Variants in FUT8 observed in about 807,000 individuals in gnomAD.
FUT8 encodes fucosyltransferase 8, also known as alpha-(1,6)-fucosyltransferase.
A neutral mutation model predicts 71.3 loss-of-function variants in FUT8; 29 were observed. The ratio of observed to expected loss-of-function variants is 0.41; its 90% CI spans 0.30 to 0.55. The LOEUF is 0.55. FUT8 is among the 20% of genes least tolerant of loss of function. The pLI is 0.34. For synonymous variants in FUT8, 254 were observed against 239.3 expected (o/e 1.06, Z -0.57); for missense variants, 544 against 702.1 (o/e 0.77, Z 2.55).
chr14:65,575,809 G>A (rs1462030613), intron 3 of FUT8, among the ~76,000 whole-genome samples: 2 of 151,956 alleles, frequency 1.3e-5, no homozygotes, highest in African/African-American at 2.4e-5. Context: ...TAGTAAAGAC[G>A]GGTTTTTGCC....
At chr14:65,552,018 A>G (rs1885316175) in intron 2 of FUT8, among the ~76,000 whole-genome samples, 1 of 152,190 alleles carries the variant, frequency 6.6e-6, no homozygotes, top group South Asian at 2.1e-4. Context: ...GATTTTGAAG[A>G]TTGCAACAAT....
chr14:65,593,284 T>C (rs1887789025), intron 3 of FUT8, among the ~76,000 whole-genome samples: 1 of 152,238 alleles, frequency 6.6e-6, no homozygotes, highest in African/African-American at 2.4e-5. Flanking sequence ...AGTAGTTTAA[T>C]AGTTGTAATA....
intron 6 of FUT8, among the ~76,000 whole-genome samples, chr14:65,663,218 G>T (rs1172847235): frequency 6.6e-6 from 1 of 151,982 alleles, no homozygotes; most frequent in Non-Finnish European, 1.5e-5. Context: ...CAAAACTATG[G>T]CTCTGTATCC....
chr14:65,439,680 T>C (rs547126227), intron 1 of FUT8, among the ~76,000 whole-genome samples: 94 of 151,952 alleles, frequency 6.2e-4, no homozygotes, highest in African/African-American at 2.2e-3. Flanking sequence ...AAACTACAAG[T>C]TTTTTCTCTA....
intron 6 of FUT8, among the ~76,000 whole-genome samples, chr14:65,633,539 G>A (rs370522243): frequency 5.3e-5 from 8 of 149,628 alleles, no homozygotes; most frequent in Admixed American, 1.3e-4. Flanking sequence ...AGTGAGGAGC[G>A]CCTCTTCCCG....
At chr14:65,360,648 T>A in the FUT8 span, among the ~76,000 whole-genome samples, 1 of 152,244 alleles carries the variant, frequency 6.6e-6, no homozygotes, top group Non-Finnish European at 1.5e-5. Flanking sequence ...CGGACTCTGT[T>A]GATAACCATG....
At chr14:65,437,124 A>C (rs1339662403) in intron 1 of FUT8, among the ~76,000 whole-genome samples, 1 of 152,240 alleles carries the variant, frequency 6.6e-6, no homozygotes, top group Non-Finnish European at 1.5e-5. Context: ...AGATGTGACA[A>C]GAATTATAAA....
At chr14:65,726,792 C>A (rs1436069313) in intron 9 of FUT8, among the ~76,000 whole-genome samples, 2 of 152,176 alleles carry the variant, frequency 1.3e-5, no homozygotes, top group East Asian at 1.9e-4. Flanking sequence ...TCCAAAGTCT[C>A]ATCGAAGACA....
At chr14:65,386,289 T>C in the FUT8 span, among the ~76,000 whole-genome samples, 1 of 151,884 alleles carries the variant, frequency 6.6e-6, no homozygotes, top group South Asian at 2.1e-4. Flanking sequence ...CCCAGGTGGA[T>C]GGCTTGAGCA....
At chr14:65,598,641 G>A (rs1162225414) in intron 3 of FUT8, among the ~76,000 whole-genome samples, 1 of 152,046 alleles carries the variant, frequency 6.6e-6, no homozygotes, top group African/African-American at 2.4e-5. Context: ...CATTTCTCCA[G>A]TTCAACTTCA....
At chr14:65,722,662 G>T (rs2139355466) in intron 8 of FUT8, among the ~76,000 whole-genome samples, 2 of 152,266 alleles carry the variant, frequency 1.3e-5, no homozygotes, top group South Asian at 4.2e-4. Flanking sequence ...CATCTCTATA[G>T]AGCCCACTGA....
the FUT8 span, among the ~76,000 whole-genome samples, chr14:65,368,243 C>T: frequency 6.8e-6 from 1 of 146,512 alleles, no homozygotes; most frequent in Admixed American, 6.8e-5. Context: ...TTAGTAGAGA[C>T]GGGGTTTCAC....
chr14:65,558,936 C>T (rs981431449), intron 2 of FUT8, among the ~76,000 whole-genome samples: 3 of 151,976 alleles, frequency 2.0e-5, no homozygotes, highest in African/African-American at 7.2e-5. Context: ...TTTTAAAACT[C>T]AAGTATTATC....
rs1891896473 is a variant in FUT8 at position 65,660,286 on chromosome 14, T to C, written c.598-8957T>C. On this transcript the variant is annotated intron_variant, in intron 6 of 10. Coordinates refer to ENST00000673929, the MANE Select transcript of FUT8 (RefSeq NM_001371533.1). The surrounding 1 kb of genome is among the most constrained non-coding windows in gnomAD (Gnocchi z 4.1). ...CCTCAGTGGAAGAAATGCCCCACAT[T>C]TGCTTGTTGCTTTCTATTGGATTTA... 6.6e-6 allele frequency among the ~76,000 whole-genome samples: 1 copy of C among 152,170 alleles called. No homozygotes were observed. Among genetic ancestry groups the C allele is most frequent in the Non-Finnish European group, 1.5e-5 (1 of 67,996 alleles).
At chr14:65,564,073 A>G (rs1449298994) in intron 3 of FUT8, among the ~76,000 whole-genome samples, 1 of 152,018 alleles carries the variant, frequency 6.6e-6, no homozygotes, top group Non-Finnish European at 1.5e-5. Context: ...TGCTGGGGCC[A>G]TTTGTATTTC....
chr14:65,586,413 C>G (rs1887386733), intron 3 of FUT8, among the ~76,000 whole-genome samples: 1 of 152,120 alleles, frequency 6.6e-6, no homozygotes, highest in Non-Finnish European at 1.5e-5. Context: ...TACCCTCAGT[C>G]TCTCTTGAAA....
chr14:65,667,102 C>A (rs1264333459), intron 6 of FUT8, among the ~76,000 whole-genome samples: 2 of 152,006 alleles, frequency 1.3e-5, no homozygotes, highest in Non-Finnish European at 2.9e-5. Flanking sequence ...CCCTTGAGAA[C>A]CAGAACAAGA....
At chr14:65,543,301 T>C (rs1454525060) in intron 2 of FUT8, among the ~76,000 whole-genome samples, 2 of 152,204 alleles carry the variant, frequency 1.3e-5, no homozygotes, top group Admixed American at 6.5e-5. Flanking sequence ...TTCTAATTCT[T>C]ATAAGGCCTG....
At chr14:65,590,071 C>T (rs1197733713) in intron 3 of FUT8, among the ~76,000 whole-genome samples, 1 of 152,158 alleles carries the variant, frequency 6.6e-6, no homozygotes, top group African/African-American at 2.4e-5. Flanking sequence ...ATACGACATA[C>T]CAATGGGTAA....
Sources: gnomAD v4.1 joint callset for allele counts (sites outside exome capture counted in the v4.1 genomes callset) on GRCh38, gnomAD v4.1.1 for gene constraint, Gnocchi (gnomAD v3.1) non-coding constraint, MANE v1.5 for transcripts, NCBI Gene and HGNC (gene_info 2026-07-23, HGNC 2026-07-21) for gene names.